The following SH2B3 variants were observed in gnomAD, a reference collection of about 807,000 sequenced individuals.
SH2B3 encodes the protein SH2B adaptor protein 3, also known as SH2B adapter protein 3.
A neutral mutation model predicts 51.9 loss-of-function variants in SH2B3; 43 were observed. The observed-to-expected ratio is 0.83, with a 90% CI of 0.65 to 1.07. SH2B3 has a LOEUF of 1.07. SH2B3 is among the 50% of genes least tolerant of loss of function. The pLI is 0.00. For synonymous variants in SH2B3, 396 were observed against 376.0 expected (o/e 1.05, Z -0.62); for missense variants, 952 against 834.3 (o/e 1.14, Z -1.74).
intron 2 of SH2B3, among the ~76,000 whole-genome samples, chr12:111,431,350 G>A (rs1331591137): frequency 1.3e-5 from 2 of 152,190 alleles, no homozygotes; most frequent in South Asian, 2.1e-4. Context: ...CTGGAAGGGG[G>A]CCCTGCCCTG....
In SH2B3 at chr12:111,449,035, T is replaced by C. The variant is rs1247526147; in HGVS notation, c.*733T>C. On this transcript the variant is annotated 3_prime_UTR_variant, in exon 8 of 8. Coordinates refer to ENST00000341259, the MANE Select transcript of SH2B3 (RefSeq NM_005475.3). The stretch of plus-strand genomic sequence containing the variant: ...TGAGCCAGCATGCTGGCTTGTCTAC[T>C]GCATCCTCGGGACAGTCACCTGCCA... The C allele has an allele frequency of 2.6e-5, 4 of 152,656 alleles. No individual in the cohort carries two copies. Among genetic ancestry groups the C allele is most frequent in the African/African-American group, 9.6e-5 (4 of 41,458 alleles). 9.5% of individuals were successfully genotyped at this position (152,656 alleles called of 1,614,324 possible). A position where few individuals can be genotyped will look rare whatever the true frequency, so the allele number is the denominator to read the frequency against.
rs1004334495 is a variant in SH2B3 at position 111,435,507 on chromosome 12, C to T, written c.733-11246C>T. On this transcript the variant is annotated intron_variant, in intron 2 of 7. Coordinates refer to ENST00000341259, the MANE Select transcript of SH2B3 (RefSeq NM_005475.3). The surrounding 1 kb of genome is among the most constrained non-coding windows in gnomAD (Gnocchi z 4.8). ...TCCTGAGTAGCTGGGACTACACATGCACCACCACGCCTGGCTAATTTTTGA... is the reference window on the plus strand; with the variant it reads ...TCCTGAGTAGCTGGGACTACACATGTACCACCACGCCTGGCTAATTTTTGA... Among the ~76,000 whole-genome samples the T allele has an allele frequency of 6.6e-5, 10 of 152,210 alleles. No homozygotes were observed. Among genetic ancestry groups the T allele is most frequent in the African/African-American group, 2.4e-4 (10 of 41,456 alleles).
chr12:111,405,483 G>A (rs575190402), upstream of SH2B3, among the ~76,000 whole-genome samples: 95 of 152,292 alleles, frequency 6.2e-4, 1 homozygote, highest in South Asian at 0.018. This position sits in a 1 kb window ranked among gnomAD's most constrained non-coding sequence, Gnocchi z 5.4. Context: ...GCAAGGGCGC[G>A]CCCCCTGGAG....
rs1321454159 is a variant in SH2B3, at chr12:111,449,251, C to G, written c.*949C>G. On this transcript the variant is annotated 3_prime_UTR_variant, in exon 8 of 8. Coordinates refer to ENST00000341259, the MANE Select transcript of SH2B3 (RefSeq NM_005475.3). ...AAATTAACTGGGGCTAGGGGAAGAGCAAGCAAAAAGGGAAGAAGGACTCCT... is the reference window on the plus strand; with the variant it reads ...AAATTAACTGGGGCTAGGGGAAGAGGAAGCAAAAAGGGAAGAAGGACTCCT... 6.6e-6 allele frequency: 1 copy of G among 152,380 alleles called. No individual in the cohort carries two copies. The highest frequency in any genetic ancestry group is 1.5e-5 in the Non-Finnish European group (1 of 68,028). The allele number at this position is 152,380 out of a possible 1,614,324, so 9.4% of individuals were successfully genotyped here.
At chr12:111,444,850 T>C in intron 2 of SH2B3, 3 of 985,670 alleles carry the variant, frequency 3.0e-6, no homozygotes, top group Non-Finnish European at 3.6e-6. Flanking sequence ...AGGACACCCA[T>C]ACCACCAGGT....
In SH2B3 at chr12:111,419,936, T is replaced by C. The variant is rs566557957; in HGVS notation, c.732+1059T>C. On this transcript the variant is annotated intron_variant, in intron 2 of 7. Coordinates refer to ENST00000341259, the MANE Select transcript of SH2B3 (RefSeq NM_005475.3). ...GTAACAGTTTCCAACCCTCTATTGC[T>C]GATAGCCTTGGCAGTTTTGAGGAGT... Among the ~76,000 whole-genome samples, 22 of 152,342 alleles carry C rather than the reference T, an allele frequency of 1.4e-4. 1 individual carries two copies. The South Asian group carries it at 4.3e-3, about 30-fold the overall frequency.
Position 111,407,240 on chromosome 12 carries a change from G to A in SH2B3, c.-28+963G>A, listed in dbSNP as rs1427029149. ...CTGCAGCTGGGGGCCTCCAGGGAGG[G>A]GCACGGCCAGGCTGGGCTGAGTGGG... On this transcript the variant is annotated intron_variant, in intron 1 of 7. Coordinates refer to ENST00000341259, the MANE Select transcript of SH2B3 (RefSeq NM_005475.3). This position sits in a 1 kb window ranked among gnomAD's most constrained non-coding sequence, Gnocchi z 4.3. Among the ~76,000 whole-genome samples, 1 of 151,982 alleles carries A rather than the reference G, an allele frequency of 6.6e-6. No individual in the cohort carries two copies. Among genetic ancestry groups the A allele is most frequent in the Non-Finnish European group, 1.5e-5 (1 of 67,970 alleles).
At chr12:111,422,506 G>T (rs1202857208) in intron 2 of SH2B3, among the ~76,000 whole-genome samples, 1 of 151,300 alleles carries the variant, frequency 6.6e-6, no homozygotes, top group Non-Finnish European at 1.5e-5. Flanking sequence ...CAATTTCTTT[G>T]CGTTTTAAAA....
chr12:111,429,982 G>T lies in SH2B3; in HGVS notation c.732+11105G>T, dbSNP rs1872330764. 1.3e-5 allele frequency among the ~76,000 whole-genome samples: 2 copies of T among 152,354 alleles called. No individual in the cohort carries two copies. The highest frequency in any genetic ancestry group is 4.1e-4 in the South Asian group (2 of 4,826). On this transcript the variant is annotated intron_variant, in intron 2 of 7. Coordinates refer to ENST00000341259, the MANE Select transcript of SH2B3 (RefSeq NM_005475.3). The surrounding 1 kb of genome is among the most constrained non-coding windows in gnomAD (Gnocchi z 4.4). ...GCCCTGGTCTTGGCAGGCAGGCAGAGCTCAGGTCCTGGCGGGCACACAGGC... is the reference window on the plus strand; with the variant it reads ...GCCCTGGTCTTGGCAGGCAGGCAGATCTCAGGTCCTGGCGGGCACACAGGC...
At chr12:111,446,476 C>T (rs879805757) in intron 2 of SH2B3, among the ~76,000 whole-genome samples, 7 of 152,198 alleles carry the variant, frequency 4.6e-5, no homozygotes, top group Non-Finnish European at 8.8e-5. Flanking sequence ...GGATGTCAGA[C>T]ACATGGCAGA....
rs1329555412 is a variant in SH2B3 at position 111,448,189 on chromosome 12, C to A, written c.1615C>A (p.Leu539Met). The change falls in exon 8 of 8, where the codon CTG becomes ATG. Residue 539 changes from leucine (L) to methionine (M), a missense_variant. Transcript: ENST00000341259. ...TTCGCCCGAAGAACTGGCCAACAGC[C>A]TGCAGCACCTGGAGCATGAGCCTGT... Reference protein sequence around the residue: ...VPSPEELANSLQHLEHEPVNR... With the variant: ...VPSPEELANSMQHLEHEPVNR... The A allele has an allele frequency of 6.2e-7, 1 of 1,614,008 alleles. No individual in the cohort carries two copies. Among genetic ancestry groups the A allele is most frequent in the Middle Eastern group, 1.6e-4 (1 of 6,084 alleles).
chr12:111,436,028 G>T (rs1396469418), intron 2 of SH2B3, among the ~76,000 whole-genome samples: 1 of 152,230 alleles, frequency 6.6e-6, no homozygotes, highest in Non-Finnish European at 1.5e-5. Context: ...GTCCTCAGAA[G>T]TGGCTCAGGC....
At position 111,438,440 on chromosome 12, in the gene SH2B3, C is replaced by G. The variant is rs1873089770; in HGVS notation, c.733-8313C>G. Among the ~76,000 whole-genome samples the G allele has an allele frequency of 1.3e-5, 2 of 152,142 alleles. No homozygotes were observed. Among genetic ancestry groups the G allele is most frequent in the Admixed American group, 1.3e-4 (2 of 15,284 alleles). ...AGGGGCCTTGGGAGGCCCACCCCAG[C>G]CCTGAGAGCACTGGCTTGTAGCATC... On this transcript the variant is annotated intron_variant, in intron 2 of 7. Transcript: ENST00000341259. The surrounding 1 kb of genome is among the most constrained non-coding windows in gnomAD (Gnocchi z 4.2).
chr12:111,412,126 C>T (rs945453133), intron 1 of SH2B3, among the ~76,000 whole-genome samples: 2 of 152,230 alleles, frequency 1.3e-5, no homozygotes, highest in Non-Finnish European at 2.9e-5. Flanking sequence ...ATCATTGCTT[C>T]CTGTCCACAG....
chr12:111,431,616 C>T (rs1478510040), intron 2 of SH2B3, among the ~76,000 whole-genome samples: 1 of 152,118 alleles, frequency 6.6e-6, no homozygotes, highest in Non-Finnish European at 1.5e-5. Context: ...GGACACTGCT[C>T]TGTCCCCCAG....
At chr12:111,436,671 T>C (rs181147106) in intron 2 of SH2B3, among the ~76,000 whole-genome samples, 2 of 152,062 alleles carry the variant, frequency 1.3e-5, no homozygotes, top group Admixed American at 6.5e-5. Flanking sequence ...TGTCTGTCGC[T>C]GTAGGGAGGC....
chr12:111,416,636 G>A (rs998958625), intron 1 of SH2B3, among the ~76,000 whole-genome samples: 1 of 152,166 alleles, frequency 6.6e-6, no homozygotes, highest in African/African-American at 2.4e-5. Context: ...TGGGACTACA[G>A]GCGCCCGCCA....
chr12:111,438,701 AG>A lies in SH2B3; in HGVS notation c.733-8049del, dbSNP rs899243480. Among the ~76,000 whole-genome samples, 1 of 152,224 alleles carries A rather than the reference AG, an allele frequency of 6.6e-6. No homozygotes were observed. Among genetic ancestry groups the A allele is most frequent in the Non-Finnish European group, 1.5e-5 (1 of 68,038 alleles). ...AAGACCAGCTCATAGGACAACAGGC[AG>A]GGAAGGAAGTGAAGGGGCTTTGCGG... is the stretch of plus-strand genomic sequence containing the variant. On this transcript the variant is annotated intron_variant, in intron 2 of 7. Transcript: ENST00000341259. The surrounding 1 kb of genome is among the most constrained non-coding windows in gnomAD (Gnocchi z 4.2).
intron 1 of SH2B3, among the ~76,000 whole-genome samples, chr12:111,412,040 T>G (rs1870740242): frequency 1.3e-5 from 2 of 152,120 alleles, no homozygotes; most frequent in African/African-American, 4.8e-5. Context: ...GGGATAGAAG[T>G]GTCCCAAAGA....
Sources: gnomAD v4.1 joint callset for allele counts (sites outside exome capture counted in the v4.1 genomes callset) on GRCh38, gnomAD v4.1.1 for gene constraint, Gnocchi (gnomAD v3.1) non-coding constraint, MANE v1.5 for transcripts, NCBI Gene and HGNC (gene_info 2026-07-23, HGNC 2026-07-21) for gene names.